The following RAB2A variants were observed in gnomAD, a reference collection of about 807,000 sequenced individuals.
RAB2A encodes ras-related protein Rab-2A.
A neutral mutation model predicts 32.5 loss-of-function variants in RAB2A; 7 were observed. The observed-to-expected ratio is 0.22, with a 90% CI of 0.12 to 0.40. The LOEUF is 0.40. Ranked by LOEUF, RAB2A falls within the 10% of genes least tolerant of loss-of-function variation. RAB2A has a pLI of 1.00. For synonymous variants in RAB2A, 79 were observed against 85.2 expected (o/e 0.93, Z 0.40); for missense variants, 108 against 260.7 (o/e 0.41, Z 4.03).
intron 1 of RAB2A, among the ~76,000 whole-genome samples, chr8:60,556,094 A>G (rs1041892542): frequency 5.9e-5 from 9 of 152,346 alleles, no homozygotes; most frequent in African/African-American, 1.9e-4. Flanking sequence ...ATGTAAAGTG[A>G]AATAAGTCAG....
chr8:60,570,783 T>TAAA (rs999443745), intron 2 of RAB2A, among the ~76,000 whole-genome samples: 3 of 152,214 alleles, frequency 2.0e-5, no homozygotes, highest in African/African-American at 7.2e-5. Context: ...TAATGTAGAG[T>TAAA]AAAAGCTCAT....
intron 5 of RAB2A, among the ~76,000 whole-genome samples, chr8:60,585,126 T>TTG (rs1803827085): frequency 6.6e-6 from 1 of 152,224 alleles, no homozygotes; most frequent in South Asian, 2.1e-4. Context: ...TTGAACATCT[T>TTG]TGTGCTGTCA....
At chr8:60,526,439 G>C (rs892044765) in intron 1 of RAB2A, among the ~76,000 whole-genome samples, 7 of 152,098 alleles carry the variant, frequency 4.6e-5, no homozygotes, top group Non-Finnish European at 8.8e-5. Context: ...AAGTCTCTCT[G>C]TTTTAGGAAA....
chr8:60,576,143 C>T, intron 3 of RAB2A: 1 of 448,428 alleles, frequency 2.2e-6, no homozygotes, highest in Middle Eastern at 3.8e-4. Flanking sequence ...CAGTGCCTCC[C>T]TTTAAGCACT....
chr8:60,526,043 ATATATATATATAT>A (rs1161419718), intron 1 of RAB2A, among the ~76,000 whole-genome samples: 7 of 125,958 alleles, frequency 5.6e-5, no homozygotes, highest in African/African-American at 1.5e-4. Flanking sequence ...ATATATATAT[ATATATATATATAT>A]AAGTTTTCTG....
At chr8:60,520,528 G>A (rs1807285393) in intron 1 of RAB2A, among the ~76,000 whole-genome samples, 1 of 152,208 alleles carries the variant, frequency 6.6e-6, no homozygotes. Context: ...CAAAGGCACA[G>A]GTTTGGTTGT....
rs374973250 is a variant in RAB2A at position 60,621,438 on chromosome 8, A to G, written c.*669A>G. 1.3e-5 allele frequency: 2 copies of G among 152,238 alleles called. No homozygotes were observed. Among genetic ancestry groups the G allele is most frequent in the African/African-American group, 4.8e-5 (2 of 41,466 alleles). 9.4% of individuals were successfully genotyped at this position (152,238 alleles called of 1,614,324 possible). ...AGTCCAAGAAAAATATGCTTAATGT[A>G]TATTACAAAGGCTTTGTATATGTTA... is the stretch of plus-strand genomic sequence containing the variant. On this transcript the variant is annotated 3_prime_UTR_variant, in exon 8 of 8. Coordinates refer to ENST00000262646, the MANE Select transcript of RAB2A (RefSeq NM_002865.3).
intron 3 of RAB2A, 191 bp from the exon 4 acceptor site, chr8:60,584,017 G>A (rs375732516): frequency 2.5e-4 from 122 of 495,852 alleles, no homozygotes; most frequent in East Asian, 1.7e-3. Flanking sequence ...CTACATGTGC[G>A]TCTCGTTGAC....
intron 6 of RAB2A, among the ~76,000 whole-genome samples, chr8:60,599,022 T>C (rs913892762): frequency 6.8e-6 from 1 of 146,490 alleles, no homozygotes; most frequent in South Asian, 2.2e-4. Context: ...TTGTGGATGA[T>C]GTAATTGTCT....
chr8:60,609,178 G>T (rs1344168969), intron 6 of RAB2A, among the ~76,000 whole-genome samples: 2 of 152,094 alleles, frequency 1.3e-5, no homozygotes, highest in Non-Finnish European at 2.9e-5. Flanking sequence ...GAGTCGATCA[G>T]CTTTACAGTG....
At chr8:60,608,711 C>T (rs1486944959) in intron 6 of RAB2A, among the ~76,000 whole-genome samples, 1 of 151,504 alleles carries the variant, frequency 6.6e-6, no homozygotes, top group African/African-American at 2.4e-5. Context: ...CCATTTTAGG[C>T]TGTATGTTCA....
chr8:60,525,596 A>G (rs1237604933), intron 1 of RAB2A, among the ~76,000 whole-genome samples: 1 of 152,086 alleles, frequency 6.6e-6, no homozygotes, highest in East Asian at 1.9e-4. Context: ...TTTACTTTTC[A>G]TAGCCATAAT....
At chr8:60,594,322 C>T (rs745336476) in intron 6 of RAB2A, among the ~76,000 whole-genome samples, 2 of 152,044 alleles carry the variant, frequency 1.3e-5, no homozygotes, top group Non-Finnish European at 2.9e-5. Flanking sequence ...GATGACGAAC[C>T]TCTGTATGGT....
chr8:60,591,881 TA>T lies in RAB2A; in HGVS notation c.393del (p.Glu132LysfsTer25). 1 of 1,611,102 alleles carries T rather than the reference TA, an allele frequency of 6.2e-7. No individual in the cohort carries two copies. The highest frequency in any genetic ancestry group is 1.1e-5 in the South Asian group (1 of 90,956). ...AGTGATTTAGAATCTAGAAGAGAAG[TA>T]AAAAAAGAAGAAGGTGAAGCTTTTG... ...NKSDLESRRE[V>X]KKEEGEAFAR... On this transcript the variant is annotated frameshift_variant, in exon 6 of 8. Coordinates refer to ENST00000262646, the MANE Select transcript of RAB2A (RefSeq NM_002865.3). LOFTEE classifies it high-confidence loss of function.
At chr8:60,605,968 G>A (rs574010822) in intron 6 of RAB2A, among the ~76,000 whole-genome samples, 1 of 151,978 alleles carries the variant, frequency 6.6e-6, no homozygotes, top group South Asian at 2.1e-4. Flanking sequence ...GACCAATATG[G>A]TGAAACCTCA....
chr8:60,610,823 C>A (rs1804330290), intron 6 of RAB2A, among the ~76,000 whole-genome samples: 1 of 152,218 alleles, frequency 6.6e-6, no homozygotes, highest in Admixed American at 6.5e-5. Flanking sequence ...TACACACTCA[C>A]ATTTATCTGT....
intron 1 of RAB2A, among the ~76,000 whole-genome samples, chr8:60,540,693 G>A (rs537124793): frequency 2.0e-5 from 3 of 152,302 alleles, no homozygotes; most frequent in Admixed American, 2.0e-4. Flanking sequence ...TGTTGGCCAG[G>A]CTGGCCTGGA....
intron 1 of RAB2A, among the ~76,000 whole-genome samples, chr8:60,540,415 A>T (rs1807622165): frequency 2.0e-5 from 3 of 152,080 alleles, no homozygotes; most frequent in Admixed American, 2.0e-4. Context: ...AAAAATGAAG[A>T]TCATTTTCAG....
chr8:60,590,100 T>C (rs1012612321), intron 5 of RAB2A, among the ~76,000 whole-genome samples: 1 of 152,044 alleles, frequency 6.6e-6, no homozygotes, highest in African/African-American at 2.4e-5. Flanking sequence ...TAGCTGGGAT[T>C]ACAGGCACCC....
Sources: gnomAD v4.1 joint callset for allele counts (sites outside exome capture counted in the v4.1 genomes callset) on GRCh38, gnomAD v4.1.1 for gene constraint, MANE v1.5 for transcripts, NCBI Gene and HGNC (gene_info 2026-07-23, HGNC 2026-07-21) for gene names.